Variants in ALOX12B observed in about 807,000 individuals in gnomAD.
ALOX12B encodes arachidonate 12-lipoxygenase, 12R type.
ALOX12B carries 47 observed loss-of-function variants against 78.9 expected under a neutral mutation model. The ratio of observed to expected loss-of-function variants is 0.60; its 90% CI spans 0.47 to 0.76. The LOEUF (loss-of-function observed/expected upper bound fraction) is 0.76. Ranked by LOEUF, ALOX12B falls within the 30% of genes least tolerant of loss-of-function variation. The pLI is 0.00. For synonymous variants in ALOX12B, 370 were observed against 374.5 expected, an observed-to-expected ratio of 0.99 and a Z score of 0.14; for missense variants, 805 against 922.6, an observed-to-expected ratio of 0.87 and a Z score of 1.65.
chr17:8,080,769 T>G lies in ALOX12B; in HGVS notation c.539A>C (p.Tyr180Ser). Reference protein sequence around the residue: ...RNPNRPEWNGYIPGFPILINF... With the variant: ...RNPNRPEWNGSIPGFPILINF... Reference sequence around the variant, plus strand: ...GATGAGAATTGGGAATCCCGGAATATAGCCATTCCACCTGTGGGGAGAAGC... The same window carrying G: ...GATGAGAATTGGGAATCCCGGAATAGAGCCATTCCACCTGTGGGGAGAAGC... The change falls in exon 5 of 15, where the codon TAT (tyrosine) becomes TCT (serine). Residue 180 changes from tyrosine to serine, a missense_variant. Coordinates refer to ENST00000647874, the MANE Select transcript of ALOX12B (RefSeq NM_001139.3). This position sits in a 1 kb window ranked among gnomAD's most constrained non-coding sequence, Gnocchi z 4.8. The G allele has an allele frequency of 6.2e-7, 1 of 1,614,082 alleles. No homozygotes were observed. Among genetic ancestry groups the G allele is most frequent in the Admixed American group, 1.7e-5 (1 of 60,024 alleles).
Position 8,080,861 on chromosome 17 carries a change from C to T in ALOX12B, c.527+23G>A. ...CCCAGGGGAAAACCATGGGCGGGGC[C>T]CAGCACAGCTTCGGGTCCTTACTCA... On this transcript the variant is annotated intron_variant, in intron 4 of 14. Transcript: ENST00000647874. The surrounding 1 kb of genome is among the most constrained non-coding windows in gnomAD (Gnocchi z 4.8). 1.2e-6 allele frequency: 2 copies of T among 1,613,918 alleles called. No homozygotes were observed. The highest frequency in any genetic ancestry group is 1.1e-5 in the South Asian group (1 of 91,074).
At chr17:8,086,797 A>G (rs1317780527) in intron 1 of ALOX12B, among the ~76,000 whole-genome samples, 1 of 152,156 alleles carries the variant, frequency 6.6e-6, no homozygotes, top group Non-Finnish European at 1.5e-5. Context: ...AGGCAGCTGA[A>G]TTAGGAAGAG....
chr17:8,080,153 C>T lies in ALOX12B; in HGVS notation c.754+82G>A. 3 of 1,533,476 alleles carry T rather than the reference C, an allele frequency of 2.0e-6. No individual in the cohort carries two copies. The highest frequency in any genetic ancestry group is 1.8e-6 in the Non-Finnish European group (2 of 1,107,152). 95.0% of individuals were successfully genotyped at this position (1,533,476 alleles called of 1,614,324 possible). ...GCGCCTCGCTGCCTCTCCCGTCCCACTGCCCCGAAGTCGGGGGCCTGCCTA... is the reference window on the plus strand; with the variant it reads ...GCGCCTCGCTGCCTCTCCCGTCCCATTGCCCCGAAGTCGGGGGCCTGCCTA... On this transcript the variant is annotated intron_variant, in intron 6 of 14. Coordinates refer to ENST00000647874, the MANE Select transcript of ALOX12B (RefSeq NM_001139.3). This position sits in a 1 kb window ranked among gnomAD's most constrained non-coding sequence, Gnocchi z 4.8.
chr17:8,080,216 G>A lies in ALOX12B; in HGVS notation c.754+19C>T, dbSNP rs374897127. 38 of 1,611,302 alleles carry A rather than the reference G, an allele frequency of 2.4e-5. No individual in the cohort carries two copies. The highest frequency in any genetic ancestry group is 3.0e-5 in the Non-Finnish European group (35 of 1,177,536). ...CCGCCTGGCTCCCCCTGCTCGATCCGGGACGCCCCATTCCATACCGGAGAC... is the reference window on the plus strand; with the variant it reads ...CCGCCTGGCTCCCCCTGCTCGATCCAGGACGCCCCATTCCATACCGGAGAC... On this transcript the variant is annotated intron_variant, in intron 6 of 14. Coordinates refer to ENST00000647874, the MANE Select transcript of ALOX12B (RefSeq NM_001139.3). The surrounding 1 kb of genome is among the most constrained non-coding windows in gnomAD (Gnocchi z 4.8).
At chr17:8,073,954 G>C (rs116451392) in intron 12 of ALOX12B, among the ~76,000 whole-genome samples, 197 bp from the exon 13 acceptor site, 5 of 152,120 alleles carry the variant, frequency 3.3e-5, no homozygotes, top group Non-Finnish European at 7.4e-5. Context: ...GGCTGGGGAC[G>C]GAGGACTTGG....
intron 10 of ALOX12B, 70 bp downstream of exon 10, chr17:8,076,579 GGAAGTCCT>G: frequency 6.8e-7 from 1 of 1,475,666 alleles, no homozygotes; most frequent in South Asian, 1.2e-5. Context: ...AAGGCAAATG[GGAAGTCCT>G]CCTCTTCATC....
chr17:8,075,476 C>A, intron 12 of ALOX12B, 119 bp downstream of exon 12: 5 of 1,529,352 alleles, frequency 3.3e-6, no homozygotes, highest in South Asian at 1.1e-5. Flanking sequence ...GCAATTTGGT[C>A]TCCTTCAGTC....
Position 8,072,933 on chromosome 17 carries a change from G to A in ALOX12B, c.1944C>T (p.Phe648=), listed in dbSNP as rs767855680. 5.6e-6 allele frequency: 9 copies of A among 1,613,040 alleles called. No homozygotes were observed. The highest frequency in any genetic ancestry group is 5.3e-5 in the African/African-American group (4 of 74,900). Residue 648 remains phenylalanine, a synonymous_variant, in exon 15 of 15, where the codon TTC becomes TTT. Transcript: ENST00000647874. ...CCTCCTCCACGAAGTGAATGTCCGG[G>A]AAGTGTCCCAGGGGCCGCTGCGGGC... ...EPDDRRPLGH[F]PDIHFVEEAP...
At chr17:8,077,259 C>G (rs1977108306) in intron 8 of ALOX12B, 66 bp from the exon 9 acceptor site, 1 of 1,485,010 alleles carries the variant, frequency 6.7e-7, no homozygotes. Flanking sequence ...GGCCCCACCG[C>G]AGGAAGGAGG....
Position 8,073,546 on chromosome 17 carries a change from T to C in ALOX12B, c.1755+111A>G, listed in dbSNP as rs1977024957. ...GGACTGGAGTTGAAGCTGGAACAAG[T>C]TGAGGCTGGACCAGGGATTATGGCT... On this transcript the variant is annotated intron_variant, in intron 13 of 14. Coordinates refer to ENST00000647874, the MANE Select transcript of ALOX12B (RefSeq NM_001139.3). The C allele has an allele frequency of 6.1e-6, 7 of 1,151,006 alleles. No homozygotes were observed. The South Asian group carries it at 7.8e-5, about 13-fold the overall frequency. The allele number at this position is 1,151,006 out of a possible 1,614,324, so 71.3% of individuals were successfully genotyped here. A position where few individuals can be genotyped will look rare whatever the true frequency, so the allele number is the denominator to read the frequency against.
chr17:8,076,551 C>A (rs1598178592), intron 10 of ALOX12B, 106 bp downstream of exon 10: 1 of 1,353,542 alleles, frequency 7.4e-7, no homozygotes, highest in African/African-American at 1.4e-5. Flanking sequence ...TCCCTTCATG[C>A]CCCCTCATGA....
chr17:8,085,754 T>C (rs1978294936), intron 2 of ALOX12B, among the ~76,000 whole-genome samples: 1 of 152,154 alleles, frequency 6.6e-6, no homozygotes, highest in South Asian at 2.1e-4. Context: ...ACTCTGGGAA[T>C]GCTGTCTGCT....
intron 13 of ALOX12B, 36 bp downstream of exon 13, chr17:8,073,621 C>T: frequency 6.3e-7 from 1 of 1,588,718 alleles, no homozygotes; most frequent in Non-Finnish European, 8.6e-7. Context: ...AGGTCTGAGC[C>T]TCGGGCTGGG....
At chr17:8,086,801 G>C (rs965806142) in intron 1 of ALOX12B, among the ~76,000 whole-genome samples, 1 of 152,126 alleles carries the variant, frequency 6.6e-6, no homozygotes, top group Non-Finnish European at 1.5e-5. Context: ...AGCTGAATTA[G>C]GAAGAGTGAC....
intron 2 of ALOX12B, among the ~76,000 whole-genome samples, chr17:8,085,695 C>G (rs1406745050): frequency 1.3e-5 from 2 of 152,124 alleles, no homozygotes; most frequent in African/African-American, 4.8e-5. Context: ...TTAACGTGGC[C>G]GGGCATCTTA....
chr17:8,080,118 G>A lies in ALOX12B; in HGVS notation c.754+117C>T, dbSNP rs1257308828. 1 of 1,465,096 alleles carries A rather than the reference G, an allele frequency of 6.8e-7. No individual in the cohort carries two copies. Among genetic ancestry groups the A allele is most frequent in the African/African-American group, 1.5e-5 (1 of 66,350 alleles). 90.8% of individuals were successfully genotyped at this position (1,465,096 alleles called of 1,614,324 possible). A position where few individuals can be genotyped will look rare whatever the true frequency, so the allele number is the denominator to read the frequency against. ...CGACATTTTCCAAGAAGCCGCCAGAGGGCGCGCGCGCGCCTCGCTGCCTCT... is the reference window on the plus strand; with the variant it reads ...CGACATTTTCCAAGAAGCCGCCAGAAGGCGCGCGCGCGCCTCGCTGCCTCT... On this transcript the variant is annotated intron_variant, in intron 6 of 14. Transcript: ENST00000647874. The surrounding 1 kb of genome is among the most constrained non-coding windows in gnomAD (Gnocchi z 4.8).
Position 8,076,638 on chromosome 17 carries a change from T to C in ALOX12B, c.1362+19A>G. On this transcript the variant is annotated intron_variant, in intron 10 of 14. Coordinates refer to ENST00000647874, the MANE Select transcript of ALOX12B (RefSeq NM_001139.3). Reference sequence around the variant, plus strand: ...GAGGAAAACAAATGTCTCGTTGGGGTTGGGGGCAGAAGTCTTACCTTGGCA... The same window carrying C: ...GAGGAAAACAAATGTCTCGTTGGGGCTGGGGGCAGAAGTCTTACCTTGGCA... 1 of 1,548,170 alleles carries C rather than the reference T, an allele frequency of 6.5e-7. No homozygotes were observed. Among genetic ancestry groups the C allele is most frequent in the Non-Finnish European group, 8.7e-7 (1 of 1,144,040 alleles).
chr17:8,081,432 T>A (rs758837398), intron 2 of ALOX12B: 1 of 590,838 alleles, frequency 1.7e-6, no homozygotes, highest in Non-Finnish European at 3.1e-6. Context: ...AAAAAGTCCC[T>A]CCTCTAGACC....
At chr17:8,083,556 C>T (rs1383640471) in intron 2 of ALOX12B, among the ~76,000 whole-genome samples, 6 of 151,742 alleles carry the variant, frequency 4.0e-5, no homozygotes, top group Non-Finnish European at 7.4e-5. Flanking sequence ...TGATGAAACC[C>T]CATCTCCACT....
Sources: gnomAD v4.1 joint callset for allele counts (sites outside exome capture counted in the v4.1 genomes callset) on GRCh38, gnomAD v4.1.1 for gene constraint, Gnocchi (gnomAD v3.1) non-coding constraint, MANE v1.5 for transcripts, NCBI Gene and HGNC (gene_info 2026-07-23, HGNC 2026-07-21) for gene names.